Variants in DPYD observed in about 807,000 individuals in gnomAD.
DPYD encodes dihydropyrimidine dehydrogenase.
Under a neutral mutation model 116.2 loss-of-function variants are expected in DPYD, and 109 were observed. The ratio of observed to expected loss-of-function variants is 0.94; its 90% confidence interval spans 0.80 to 1.10. DPYD has a LOEUF of 1.10. DPYD is among the 50% of genes least tolerant of loss of function. DPYD has a pLI of 0.00. For missense variants in DPYD, 1,302 were observed against 1,254.5 expected (o/e 1.04, Z -0.57); for synonymous variants, 440 against 432.0 (o/e 1.02, Z -0.23).
intron 22 of DPYD, among the ~76,000 whole-genome samples, chr1:97,081,756 TG>T (rs1649173761): frequency 6.7e-6 from 1 of 149,568 alleles, no homozygotes; most frequent in Non-Finnish European, 1.5e-5. Flanking sequence ...GATGCTCTGC[TG>T]AGGACTGAGG....
chr1:97,305,328 A>G lies in DPYD; in HGVS notation c.2230T>C (p.Leu744=). ...ATNTVSGLMG[L]KSDGTPWPAV... The stretch of plus-strand genomic sequence containing the variant: ...GGCCAAGGTGTGCCATCAGATTTTA[A>G]TCCCATCAGACCTGAGACAGTGTTG... The change falls in exon 18 of 23, where the codon TTA becomes CTA. Residue 744 remains leucine (L), a synonymous_variant. Coordinates refer to ENST00000370192, the MANE Select transcript of DPYD (RefSeq NM_000110.4). 6.2e-7 allele frequency: 1 copy of G among 1,612,464 alleles called. No homozygotes were observed. Among genetic ancestry groups the G allele is most frequent in the Non-Finnish European group, 8.5e-7 (1 of 1,178,962 alleles).
rs144327505 is a variant in DPYD at position 97,273,750 on chromosome 1, C to T, written c.2299+31509G>A. On this transcript the variant is annotated intron_variant, in intron 18 of 22. Coordinates refer to ENST00000370192, the MANE Select transcript of DPYD (RefSeq NM_000110.4). ...GTTCTCTTTCTTGCATGAGTTCACA[C>T]ATATTAAAATGCAAGTGTCTTGCTT... 9.4e-3 allele frequency among the ~76,000 whole-genome samples: 1,433 copies of T among 152,250 alleles called. 14 individuals carry two copies. The highest frequency in any genetic ancestry group is 0.014 in the Non-Finnish European group (955 of 68,022).
intron 16 of DPYD, among the ~76,000 whole-genome samples, chr1:97,366,114 A>C (rs1309637084): frequency 6.6e-6 from 1 of 152,186 alleles, no homozygotes; most frequent in East Asian, 1.9e-4. Context: ...TATAATTGAA[A>C]AACTCATAGA....
chr1:97,669,069 T>C (rs1421631713), intron 8 of DPYD, among the ~76,000 whole-genome samples: 1 of 151,962 alleles, frequency 6.6e-6, no homozygotes, highest in Non-Finnish European at 1.5e-5. Flanking sequence ...CTGTTAACTT[T>C]CTGCCATGTA....
At chr1:97,738,150 A>T (rs1664067586) in intron 4 of DPYD, among the ~76,000 whole-genome samples, 1 of 152,192 alleles carries the variant, frequency 6.6e-6, no homozygotes, top group South Asian at 2.1e-4. Context: ...ACAGCCATTT[A>T]TTTCACTATA....
At position 97,834,092 on chromosome 1, in the gene DPYD, A is replaced by G. The variant is rs78967254; in HGVS notation, c.151-5896T>C. 1.6e-4 allele frequency among the ~76,000 whole-genome samples: 25 copies of G among 152,236 alleles called. No individual in the cohort carries two copies. The East Asian group carries it at 2.7e-3, about 16-fold the overall frequency. On this transcript the variant is annotated intron_variant, in intron 2 of 22. Coordinates refer to ENST00000370192, the MANE Select transcript of DPYD (RefSeq NM_000110.4). ...ATTTCACAATGGACCTAGACAGCTT[A>G]GAAACGGAAGTTACAAATATAATCA...
At chr1:97,830,087 T>G (rs1453664146) in intron 2 of DPYD, among the ~76,000 whole-genome samples, 1 of 152,168 alleles carries the variant, frequency 6.6e-6, no homozygotes, top group Non-Finnish European at 1.5e-5. Flanking sequence ...TTCATCCTTT[T>G]TTATGGCTGC....
intron 11 of DPYD, among the ~76,000 whole-genome samples, chr1:97,557,820 A>T (rs1238006099): frequency 6.6e-6 from 1 of 152,222 alleles, no homozygotes; most frequent in Non-Finnish European, 1.5e-5. Flanking sequence ...ATCAGCACTT[A>T]TGGATCTCTA....
chr1:97,393,430 C>T (rs976714209), intron 14 of DPYD, among the ~76,000 whole-genome samples: 7 of 151,884 alleles, frequency 4.6e-5, no homozygotes, highest in African/African-American at 1.7e-4. Context: ...TCTCCTAATG[C>T]TATCCCTCCC....
chr1:97,586,191 G>C (rs1654083134), intron 10 of DPYD: 1 of 152,026 alleles, frequency 6.6e-6, no homozygotes, highest in South Asian at 2.1e-4. Context: ...TATTAGGTTG[G>C]AAGTGAAAAA....
intron 8 of DPYD, among the ~76,000 whole-genome samples, chr1:97,635,819 T>C (rs903650881): frequency 3.9e-5 from 6 of 152,152 alleles, no homozygotes; most frequent in Non-Finnish European, 8.8e-5. Context: ...TGTTTTTATT[T>C]GTTTGCTTCT....
chr1:97,203,045 G>A (rs1472638918), intron 19 of DPYD, among the ~76,000 whole-genome samples: 1 of 152,130 alleles, frequency 6.6e-6, no homozygotes, highest in Admixed American at 6.6e-5. Flanking sequence ...CCCATTCTTT[G>A]GTTAGGAACT....
intron 10 of DPYD, 65 bp from the exon 11 acceptor site, chr1:97,574,035 C>A: frequency 1.3e-6 from 2 of 1,583,236 alleles, no homozygotes; most frequent in Non-Finnish European, 1.7e-6. Context: ...TATTTGATTT[C>A]TAATTGAATT....
intron 20 of DPYD, among the ~76,000 whole-genome samples, chr1:97,137,358 C>A (rs1474025364): frequency 6.6e-6 from 1 of 152,192 alleles, no homozygotes; most frequent in African/African-American, 2.4e-5. Context: ...AATTTTAAAT[C>A]CCTGTACAAT....
At chr1:97,883,732 C>T (rs1464583854) in intron 1 of DPYD, 5 of 358,484 alleles carry the variant, frequency 1.4e-5, no homozygotes, top group Non-Finnish European at 2.6e-5. Flanking sequence ...CAGGTGTGAG[C>T]CACCATGTCT....
rs183406310 is a variant in DPYD, at chr1:97,883,976, T to C, written c.40-602A>G. On this transcript the variant is annotated intron_variant, in intron 1 of 22. Coordinates refer to ENST00000370192, the MANE Select transcript of DPYD (RefSeq NM_000110.4). ...AAAATCCTAATACAATGAAAATTTA[T>C]ATGGAAAAAGTGAGAAGATATACTT... 422 of 325,024 alleles carry C rather than the reference T, an allele frequency of 1.3e-3. 3 individuals carry two copies. The highest frequency in any genetic ancestry group is 9.1e-3 in the African/African-American group (407 of 44,558). 20.1% of individuals were successfully genotyped at this position (325,024 alleles called of 1,614,324 possible).
chr1:97,463,778 C>A (rs1017107853), intron 13 of DPYD, among the ~76,000 whole-genome samples: 1 of 152,136 alleles, frequency 6.6e-6, no homozygotes, highest in African/African-American at 2.4e-5. Context: ...AAGAGACTGG[C>A]AGCATTTTGC....
At position 97,885,872 on chromosome 1, in the gene DPYD, T is replaced by C. The variant is rs567841826; in HGVS notation, c.40-2498A>G. Among the ~76,000 whole-genome samples, 22 of 152,214 alleles carry C rather than the reference T, an allele frequency of 1.4e-4. No individual in the cohort carries two copies. The East Asian group carries it at 4.1e-3, about 28-fold the overall frequency. On this transcript the variant is annotated intron_variant, in intron 1 of 22. Transcript: ENST00000370192. Reference sequence around the variant, plus strand: ...AAACATTTTTAACCACATGTTTAAATAATATCAATTTGCACCTGAGTAGCT... The same window carrying C: ...AAACATTTTTAACCACATGTTTAAACAATATCAATTTGCACCTGAGTAGCT...
chr1:97,859,199 T>C (rs1012118403), intron 2 of DPYD, among the ~76,000 whole-genome samples: 7 of 152,140 alleles, frequency 4.6e-5, no homozygotes, highest in Non-Finnish European at 1.0e-4. Flanking sequence ...ATATAAAATA[T>C]GTAAGCTTAA....
Sources: allele counts gnomAD v4.1 joint callset (sites outside exome capture counted in the v4.1 genomes callset), GRCh38; gene constraint gnomAD v4.1.1; transcripts MANE v1.5; gene names NCBI Gene and HGNC (gene_info 2026-07-23, HGNC 2026-07-21).